IL1RAPL1: variants seen among roughly 807,000 people sequenced by gnomAD.
IL1RAPL1 encodes the protein interleukin 1 receptor accessory protein like 1.
Under a neutral mutation model 48.4 loss-of-function variants are expected in IL1RAPL1, and 3 were observed. The ratio of observed to expected loss-of-function variants is 0.06; its 90% confidence interval spans 0.03 to 0.16. IL1RAPL1 has a LOEUF of 0.16. Ranked by LOEUF, IL1RAPL1 falls within the 10% of genes least tolerant of loss-of-function variation. The pLI is 1.00. For synonymous variants in IL1RAPL1, 185 were observed against 187.7 expected (o/e 0.99, Z 0.12); for missense variants, 349 against 530.6 (o/e 0.66, Z 3.36).
intron 6 of IL1RAPL1, among the ~76,000 whole-genome samples, chrX:29,723,544 C>T (rs765193680): frequency 3.6e-5 from 4 of 111,793 alleles, no homozygotes; most frequent in Middle Eastern, 4.7e-3. Flanking sequence ...CCACTGTGCC[C>T]GGCGTCTGCA....
chrX:29,128,913 T>C (rs1219132104), intron 2 of IL1RAPL1, among the ~76,000 whole-genome samples: 1 of 111,447 alleles, frequency 9.0e-6, no homozygotes, highest in Non-Finnish European at 1.9e-5. Context: ...ATAAAGACAA[T>C]TGAATATGTT....
At chrX:28,977,828 G>A (rs758674186) in intron 2 of IL1RAPL1, among the ~76,000 whole-genome samples, 5 of 111,722 alleles carry the variant, frequency 4.5e-5, no homozygotes, top group South Asian at 3.8e-4. Flanking sequence ...ATGGTGATGC[G>A]TGCCTGTAAT....
intron 6 of IL1RAPL1, among the ~76,000 whole-genome samples, chrX:29,817,220 T>C (rs1184377420): frequency 8.9e-6 from 1 of 112,085 alleles, no homozygotes; most frequent in African/African-American, 3.2e-5. Context: ...TTACTTCTAC[T>C]TGCTGCACAA....
chrX:29,868,446 A>G (rs1387850849), intron 6 of IL1RAPL1, among the ~76,000 whole-genome samples: 4 of 112,069 alleles, frequency 3.6e-5, no homozygotes, highest in Non-Finnish European at 7.5e-5. Flanking sequence ...CCAGCAGGAC[A>G]TTCCTATGGA....
At chrX:29,145,013 G>A (rs1399174855) in intron 2 of IL1RAPL1, among the ~76,000 whole-genome samples, 1 of 110,774 alleles carries the variant, frequency 9.0e-6, no homozygotes, top group African/African-American at 3.3e-5. Context: ...ACAGGCATGA[G>A]CCACCATGCC....
intron 2 of IL1RAPL1, among the ~76,000 whole-genome samples, chrX:28,992,694 A>G (rs1370086218): frequency 3.6e-5 from 4 of 111,383 alleles, no homozygotes; most frequent in Non-Finnish European, 7.5e-5. Flanking sequence ...TTCAGGAACA[A>G]GAAAATAAGT....
intron 5 of IL1RAPL1, among the ~76,000 whole-genome samples, chrX:29,444,531 G>GA (rs1169436011): frequency 9.1e-6 from 1 of 109,550 alleles, no homozygotes; most frequent in African/African-American, 3.3e-5. Context: ...ACAGAAAACA[G>GA]AAAAAACCTA....
intron 1 of IL1RAPL1, among the ~76,000 whole-genome samples, chrX:28,781,411 C>G (rs999774672): frequency 1.8e-5 from 2 of 109,148 alleles, no homozygotes; most frequent in African/African-American, 6.7e-5. Context: ...ATGGCACTTT[C>G]TTGTTGAAAG....
intron 6 of IL1RAPL1, among the ~76,000 whole-genome samples, chrX:29,823,377 T>TGAAATAATCA (rs1930661971): frequency 8.9e-6 from 1 of 112,044 alleles, no homozygotes; most frequent in Non-Finnish European, 1.9e-5. Flanking sequence ...GTCTCAAGTG[T>TGAAATAATCA]GAAATAATCA....
chrX:28,873,106 CTTTTTTTTT>C (rs764591682), intron 2 of IL1RAPL1, among the ~76,000 whole-genome samples: 1 of 64,990 alleles, frequency 1.5e-5, no homozygotes, highest in African/African-American at 8.2e-5. Context: ...TTTTTTTTCA[CTTTTTTTTT>C]TTTTTTTTTT....
At chrX:29,502,516 T>G (rs1935286365) in intron 5 of IL1RAPL1, among the ~76,000 whole-genome samples, 1 of 111,865 alleles carries the variant, frequency 8.9e-6, no homozygotes, top group African/African-American at 3.2e-5. Flanking sequence ...ATGAGAATCT[T>G]TTTTATCATA....
chrX:29,824,949 C>T (rs1432760878), intron 6 of IL1RAPL1, among the ~76,000 whole-genome samples: 27 of 104,622 alleles, frequency 2.6e-4, no homozygotes, highest in Admixed American at 1.7e-3. Context: ...AAGATCTACA[C>T]AATAAAGGAG....
intron 2 of IL1RAPL1, among the ~76,000 whole-genome samples, chrX:29,181,065 A>G (rs1182129101): frequency 8.9e-6 from 1 of 111,764 alleles, no homozygotes; most frequent in Non-Finnish European, 1.9e-5. Context: ...CACTGTGTGA[A>G]CTATTTAAAA....
intron 5 of IL1RAPL1, among the ~76,000 whole-genome samples, chrX:29,614,266 C>T (rs1924205568): frequency 9.0e-6 from 1 of 111,609 alleles, no homozygotes; most frequent in African/African-American, 3.3e-5. Context: ...TTGTCAGATT[C>T]TCAAGGTAAT....
chrX:29,008,821 C>T (rs1418199310), intron 2 of IL1RAPL1, among the ~76,000 whole-genome samples: 1 of 110,424 alleles, frequency 9.1e-6, no homozygotes, highest in Non-Finnish European at 1.9e-5. Context: ...TACTTCCCTT[C>T]CTCCCTCCCC....
In IL1RAPL1 at chrX:29,271,325, A is replaced by G. The variant is rs753751672; in HGVS notation, c.83-11613A>G. Among the ~76,000 whole-genome samples the G allele has an allele frequency of 1.6e-4, 18 of 112,223 alleles. No homozygotes were observed. In the South Asian group the frequency reaches 6.6e-3, roughly 41 times the overall value. On this transcript the variant is annotated intron_variant, in intron 2 of 10. Transcript: ENST00000378993. ...TTGTGAATAGTGCTGCGATGAACATATGCATACATGTGTCTTTATGACAGA... is the reference window on the plus strand; with the variant it reads ...TTGTGAATAGTGCTGCGATGAACATGTGCATACATGTGTCTTTATGACAGA...
intron 5 of IL1RAPL1, among the ~76,000 whole-genome samples, chrX:29,509,399 G>A (rs2147765590): frequency 8.9e-6 from 1 of 112,367 alleles, no homozygotes; most frequent in African/African-American, 3.2e-5. Context: ...GTGTTTGGTT[G>A]AATTAATGGG....
chrX:29,220,770 G>A (rs1311253462), intron 2 of IL1RAPL1, among the ~76,000 whole-genome samples: 1 of 111,962 alleles, frequency 8.9e-6, no homozygotes, highest in African/African-American at 3.2e-5. Context: ...AAGATGCAGT[G>A]TACAAATCAG....
intron 2 of IL1RAPL1, among the ~76,000 whole-genome samples, chrX:28,868,143 T>C (rs1331609299): frequency 9.0e-6 from 1 of 111,584 alleles, no homozygotes. Flanking sequence ...ATACTCCTTG[T>C]CAAATCTTAG....
Sources: allele counts gnomAD v4.1 joint callset (sites outside exome capture counted in the v4.1 genomes callset), GRCh38; gene constraint gnomAD v4.1.1; transcripts MANE v1.5; gene names NCBI Gene and HGNC (gene_info 2026-07-23, HGNC 2026-07-21).